Variants in ISM1 observed in about 807,000 individuals in gnomAD.
ISM1 encodes the protein isthmin-1.
Under a neutral mutation model 46.3 loss-of-function variants are expected in ISM1, and 25 were observed. That is an observed-to-expected ratio of 0.54 (90% confidence interval 0.39 to 0.75). The LOEUF (loss-of-function observed/expected upper bound fraction) is 0.75, where lower values mean the gene tolerates loss of function less well. Ranked by LOEUF, ISM1 falls within the 30% of genes least tolerant of loss-of-function variation. The probability of loss-of-function intolerance (pLI) is 0.00; values close to 1 mark genes in which losing one functional copy is unlikely to be tolerated. For missense variants in ISM1, 536 were observed against 625.4 expected (o/e 0.86, Z 1.52); for synonymous variants, 255 against 256.7 (o/e 0.99, Z 0.06).
At chr20:13,321,253 T>TAAAAAA in the ISM1 span, among the ~76,000 whole-genome samples, 45 of 57,504 alleles carry the variant, frequency 7.8e-4, no homozygotes, top group South Asian at 0.017. Context: ...GTGCCCCACA[T>TAAAAAA]AAAAAAAAAA....
the ISM1 span, among the ~76,000 whole-genome samples, chr20:13,318,470 C>T: frequency 6.6e-6 from 1 of 152,184 alleles, no homozygotes; most frequent in Non-Finnish European, 1.5e-5. Context: ...AACAATTGTG[C>T]TGCTTGGTAT....
intron 1 of ISM1, among the ~76,000 whole-genome samples, chr20:13,266,008 G>T (rs1211999565): frequency 6.6e-6 from 1 of 152,096 alleles, no homozygotes; most frequent in Admixed American, 6.5e-5. Flanking sequence ...CTCATTTCAG[G>T]CAGGACAAAG....
chr20:13,257,024 GA>G (rs1186867172), intron 1 of ISM1, among the ~76,000 whole-genome samples: 1 of 152,086 alleles, frequency 6.6e-6, no homozygotes, highest in Non-Finnish European at 1.5e-5. Context: ...AAAGTCTAAT[GA>G]GAGAAGAGAA....
chr20:13,291,646 T>A (rs1290151798), intron 4 of ISM1, among the ~76,000 whole-genome samples: 2 of 152,158 alleles, frequency 1.3e-5, no homozygotes, highest in Non-Finnish European at 2.9e-5. Context: ...TAAGTTTGAG[T>A]AGAGCTGGGT....
intron 1 of ISM1, among the ~76,000 whole-genome samples, chr20:13,223,704 A>C (rs997190442): frequency 1.7e-4 from 26 of 152,212 alleles, no homozygotes; most frequent in African/African-American, 6.0e-4. Context: ...TGACAGACTG[A>C]GGGAATTTCT....
At chr20:13,244,285 T>C (rs1402387462) in intron 1 of ISM1, 1 of 149,366 alleles carries the variant, frequency 6.7e-6, no homozygotes, top group African/African-American at 2.5e-5. Flanking sequence ...CTGGTTTTCA[T>C]GTGGGCAGAG....
At chr20:13,311,448 A>G in the ISM1 span, among the ~76,000 whole-genome samples, 1 of 152,208 alleles carries the variant, frequency 6.6e-6, no homozygotes, top group Non-Finnish European at 1.5e-5. Flanking sequence ...ATATCCAAAG[A>G]AAATTAAATC....
intron 4 of ISM1, 58 bp downstream of exon 4, chr20:13,288,741 T>C (rs2040320913): frequency 1.3e-6 from 2 of 1,514,396 alleles, no homozygotes; most frequent in Non-Finnish European, 1.8e-6. Flanking sequence ...TAATTTATCA[T>C]TAAAAACTTA....
rs1317028795 is a variant in ISM1 at position 13,298,951 on chromosome 20, G to A, written c.887G>A (p.Ser296Asn). 1 of 1,613,334 alleles carries A rather than the reference G, an allele frequency of 6.2e-7. No homozygotes were observed. The highest frequency in any genetic ancestry group is 8.5e-7 in the Non-Finnish European group (1 of 1,179,626). Reference protein sequence around the residue: ...ATKLFEVDTDSCERWMSCKSE... With the variant: ...ATKLFEVDTDNCERWMSCKSE... ...CTTTGGCCTTTTCCAGACACAGACA[G>A]CTGTGAGCGCTGGATGAGCTGCAAA... is the stretch of plus-strand genomic sequence containing the variant. Residue 296 changes from serine (S) to asparagine (N), a missense_variant, in exon 6 of 6, where the codon AGC becomes AAC. By Grantham distance (46) the Ser-to-Asn change is conservative. Around this residue, in one of 2 missense-constraint regions of ISM1, gnomAD observed 169 missense variants for 249.3 expected, o/e 0.68. Coordinates refer to ENST00000262487, the MANE Select transcript of ISM1 (RefSeq NM_080826.2).
chr20:13,275,264 G>T (rs763727798), intron 2 of ISM1, among the ~76,000 whole-genome samples: 5 of 152,108 alleles, frequency 3.3e-5, no homozygotes, highest in South Asian at 2.1e-4. Flanking sequence ...ATGGCCACAG[G>T]CCTCTTGAGC....
In ISM1 at chr20:13,279,892, G is replaced by A. The variant is rs528166555; in HGVS notation, c.637G>A (p.Glu213Lys). ...GACTTTTGAAACCAAAGATCAGCCA[G>A]AATATGGTGAGTTTACCACCTAGTA... is the stretch of plus-strand genomic sequence containing the variant. Reference protein sequence around the residue: ...HRTFETKDQPEYDSTDGEGDW... With the variant: ...HRTFETKDQPKYDSTDGEGDW... The change falls in exon 3 of 6, where the codon GAA (glutamate) becomes AAA (lysine). Residue 213 changes from glutamate to lysine, a missense_variant. Glu to Lys is a moderately conservative substitution (Grantham distance 56, BLOSUM62 1). This residue lies in a region of ISM1 where 367 missense variants were observed against 376.1 expected (regional missense o/e 0.98). Coordinates refer to ENST00000262487, the MANE Select transcript of ISM1 (RefSeq NM_080826.2). 1.2e-6 allele frequency: 2 copies of A among 1,613,706 alleles called. No homozygotes were observed. Among genetic ancestry groups the A allele is most frequent in the Non-Finnish European group, 8.5e-7 (1 of 1,179,806 alleles).
At chr20:13,275,884 T>A (rs1288780100) in intron 2 of ISM1, among the ~76,000 whole-genome samples, 56 of 152,202 alleles carry the variant, frequency 3.7e-4, no homozygotes, top group Non-Finnish European at 4.4e-5. Flanking sequence ...GGACCTTGAA[T>A]TCTCCAAGCC....
At chr20:13,224,178 T>C (rs144353848) in intron 1 of ISM1, among the ~76,000 whole-genome samples, 125 of 152,312 alleles carry the variant, frequency 8.2e-4, no homozygotes, top group African/African-American at 2.8e-3. Flanking sequence ...GACTGTCCAC[T>C]CAATGCACAC....
intron 1 of ISM1, among the ~76,000 whole-genome samples, chr20:13,237,002 C>T (rs2039658108): frequency 6.6e-6 from 1 of 152,188 alleles, no homozygotes; most frequent in Admixed American, 6.5e-5. Flanking sequence ...GACAGTGGCC[C>T]TCTTCTCACA....
At chr20:13,227,400 T>C (rs911756486) in intron 1 of ISM1, among the ~76,000 whole-genome samples, 2 of 151,702 alleles carry the variant, frequency 1.3e-5, no homozygotes, top group Non-Finnish European at 2.9e-5. Context: ...AGACAGGGTT[T>C]CACCGTGTTA....
chr20:13,285,120 C>T (rs1449217478), intron 3 of ISM1, among the ~76,000 whole-genome samples: 2 of 152,068 alleles, frequency 1.3e-5, no homozygotes, highest in East Asian at 3.9e-4. Flanking sequence ...AACCTCATCT[C>T]TATAAAATTT....
At chr20:13,276,635 A>G (rs2040183230) in intron 2 of ISM1, among the ~76,000 whole-genome samples, 1 of 152,042 alleles carries the variant, frequency 6.6e-6, no homozygotes, top group Non-Finnish European at 1.5e-5. Flanking sequence ...GTTAAGGATG[A>G]GAAAGGACGG....
Position 13,221,630 on chromosome 20 carries a change from C to A in ISM1, c.-147C>A. On this transcript the variant is annotated 5_prime_UTR_variant, in exon 1 of 6. Coordinates refer to ENST00000262487, the MANE Select transcript of ISM1 (RefSeq NM_080826.2). Reference sequence around the variant, plus strand: ...ACACCCCGCCGCGCCCAGCGCCAGCCCCGCGGGCCCGGGAAGCGGAGCCCT... The same window carrying A: ...ACACCCCGCCGCGCCCAGCGCCAGCACCGCGGGCCCGGGAAGCGGAGCCCT... 1.8e-6 allele frequency: 1 copy of A among 548,938 alleles called. No homozygotes were observed. Among genetic ancestry groups the A allele is most frequent in the Non-Finnish European group, 2.5e-6 (1 of 404,112 alleles). The allele number at this position is 548,938 out of a possible 1,614,324, so 34.0% of individuals were successfully genotyped here. A position where few individuals can be genotyped will look rare whatever the true frequency, so the allele number is the denominator to read the frequency against.
chr20:13,271,010 A>G (rs1008375379), intron 2 of ISM1, among the ~76,000 whole-genome samples: 2 of 152,260 alleles, frequency 1.3e-5, no homozygotes, highest in African/African-American at 4.8e-5. Context: ...TACAAGATAC[A>G]TACTAATTTA....
Sources: allele counts gnomAD v4.1 joint callset (sites outside exome capture counted in the v4.1 genomes callset), GRCh38; gene constraint gnomAD v4.1.1; regional missense constraint gnomAD v4.1.1; transcripts MANE v1.5; gene names NCBI Gene and HGNC (gene_info 2026-07-23, HGNC 2026-07-21).